CWF19L2: variants seen among roughly 807,000 people sequenced by gnomAD.
CWF19L2 encodes the protein CWF19 like cell cycle control factor 2.
A neutral mutation model predicts 111.7 loss-of-function variants in CWF19L2; 98 were observed. The observed-to-expected ratio is 0.88, with a 90% CI of 0.75 to 1.04. The LOEUF is 1.04. CWF19L2 is among the 50% of genes least tolerant of loss of function. The probability of loss-of-function intolerance (pLI) is 0.00; values close to 1 mark genes in which losing one functional copy is unlikely to be tolerated. For synonymous variants in CWF19L2, 351 were observed against 342.9 expected (o/e 1.02, Z -0.26); for missense variants, 1,101 against 1,051.4 (o/e 1.05, Z -0.65).
intron 12 of CWF19L2, among the ~76,000 whole-genome samples, chr11:107,385,028 T>G (rs1852618869): frequency 6.6e-6 from 1 of 152,204 alleles, no homozygotes; most frequent in Non-Finnish European, 1.5e-5. Flanking sequence ...GTTCATAAAC[T>G]TTTAAGAGTG....
chr11:107,372,716 T>C (rs1667737353), intron 12 of CWF19L2, among the ~76,000 whole-genome samples: 3 of 135,130 alleles, frequency 2.2e-5, no homozygotes. Context: ...AGAAAACTAG[T>C]TAGAAGGCTA....
At chr11:107,415,869 G>A (rs1409193533) in intron 10 of CWF19L2, among the ~76,000 whole-genome samples, 1 of 152,066 alleles carries the variant, frequency 6.6e-6, no homozygotes, top group East Asian at 1.9e-4. Flanking sequence ...AGGTTGAGGC[G>A]GGTGGATCAT....
chr11:107,404,732 A>C, intron 10 of CWF19L2: 2 of 280,608 alleles, frequency 7.1e-6, no homozygotes, highest in Non-Finnish European at 1.4e-5. Flanking sequence ...GACCTAGCAC[A>C]GTGTCAAATA....
chr11:107,331,037 A>AT (rs1221987347), intron 16 of CWF19L2, among the ~76,000 whole-genome samples: 2 of 152,202 alleles, frequency 1.3e-5, no homozygotes, highest in African/African-American at 4.8e-5. Flanking sequence ...TTTTCATGTT[A>AT]TTTAAAAAGC....
intron 12 of CWF19L2, among the ~76,000 whole-genome samples, chr11:107,361,524 A>G (rs1267504237): frequency 6.6e-6 from 1 of 152,158 alleles, no homozygotes; most frequent in East Asian, 1.9e-4. Flanking sequence ...TGCTGTTGGT[A>G]TGTTGATAGA....
At chr11:107,432,564 C>T (rs1202383916) in intron 7 of CWF19L2, among the ~76,000 whole-genome samples, 2 of 152,202 alleles carry the variant, frequency 1.3e-5, no homozygotes, top group Non-Finnish European at 2.9e-5. Flanking sequence ...GCCTGGGTGA[C>T]AGAGCAAGAC....
intron 14 of CWF19L2, among the ~76,000 whole-genome samples, chr11:107,339,589 A>C (rs1280968976): frequency 6.6e-6 from 1 of 151,608 alleles, no homozygotes; most frequent in Non-Finnish European, 1.5e-5. Flanking sequence ...GATATTAAAT[A>C]TCATTTTTAT....
At chr11:107,349,439 G>A (rs942265458) in intron 13 of CWF19L2, among the ~76,000 whole-genome samples, 1 of 152,094 alleles carries the variant, frequency 6.6e-6, no homozygotes, top group Non-Finnish European at 1.5e-5. Flanking sequence ...AAGACACATG[G>A]CCTGGTAACG....
chr11:107,385,941 T>A lies in CWF19L2; in HGVS notation c.1872+4133A>T, dbSNP rs531451586. Among the ~76,000 whole-genome samples, 5 of 152,356 alleles carry A rather than the reference T, an allele frequency of 3.3e-5. No homozygotes were observed. The East Asian group carries it at 9.6e-4, about 29-fold the overall frequency. ...TAGCCTGAAACTGCGAGAGTAGCAA[T>A]GCTGGCATATTGCTATACTTGTATT... On this transcript the variant is annotated intron_variant, in intron 12 of 17. Transcript: ENST00000282251.
intron 12 of CWF19L2, among the ~76,000 whole-genome samples, chr11:107,384,485 C>T (rs1004636022): frequency 1.3e-5 from 2 of 152,158 alleles, no homozygotes. Flanking sequence ...TGGTGCCCAA[C>T]AAATTTTGAA....
At chr11:107,371,295 G>T (rs1186749215) in intron 12 of CWF19L2, among the ~76,000 whole-genome samples, 1 of 137,210 alleles carries the variant, frequency 7.3e-6, no homozygotes, top group Admixed American at 7.1e-5. Flanking sequence ...GAGCCACCAC[G>T]CCCGGCCTCT....
intron 10 of CWF19L2, among the ~76,000 whole-genome samples, chr11:107,407,884 T>A (rs1861103288): frequency 6.6e-6 from 1 of 152,036 alleles, no homozygotes; most frequent in Non-Finnish European, 1.5e-5. Context: ...GAGAATTAAA[T>A]ACATCCTATA....
rs115372188 is a variant in CWF19L2, at chr11:107,398,719, A to T, written c.1618-5824T>A. The stretch of plus-strand genomic sequence containing the variant: ...ATTCATCACAAAAACATCTTTGCCT[A>T]GGCACACTGTCATCAGGTTATCCCA... On this transcript the variant is annotated intron_variant, in intron 10 of 17. Coordinates refer to ENST00000282251, the MANE Select transcript of CWF19L2 (RefSeq NM_152434.3). Among the ~76,000 whole-genome samples the T allele has an allele frequency of 5.2e-3, 785 of 152,350 alleles. 5 individuals carry two copies. Among genetic ancestry groups the T allele is most frequent in the African/African-American group, 0.018 (738 of 41,584 alleles).
At chr11:107,403,727 CT>C in intron 10 of CWF19L2, 2 of 856,046 alleles carry the variant, frequency 2.3e-6, no homozygotes, top group Non-Finnish European at 4.0e-6. Context: ...CTCCTTCTCC[CT>C]TTCCTCCTGC....
rs571580325 is a variant in CWF19L2, at chr11:107,405,691, T to C, written c.1617+10518A>G. 2.0e-5 allele frequency among the ~76,000 whole-genome samples: 3 copies of C among 152,158 alleles called. No individual in the cohort carries two copies. The South Asian group carries it at 6.2e-4, about 32-fold the overall frequency. On this transcript the variant is annotated intron_variant, in intron 10 of 17. Coordinates refer to ENST00000282251, the MANE Select transcript of CWF19L2 (RefSeq NM_152434.3). ...GAAGGGAAAGAAATGAGATGAGCCC[T>C]AGGATGGCCACAGCTTTCTACTAAG... is the stretch of plus-strand genomic sequence containing the variant.
chr11:107,335,265 A>G (rs1859905734), intron 15 of CWF19L2, among the ~76,000 whole-genome samples: 1 of 152,198 alleles, frequency 6.6e-6, no homozygotes, highest in South Asian at 2.1e-4. Context: ...TTGTGATCAT[A>G]AAGTTCCATT....
chr11:107,343,953 G>A (rs1423496814), intron 14 of CWF19L2, among the ~76,000 whole-genome samples: 1 of 151,970 alleles, frequency 6.6e-6, no homozygotes, highest in African/African-American at 2.4e-5. Flanking sequence ...GGTGGCTCAC[G>A]CTTGTAATTC....
At position 107,414,072 on chromosome 11, in the gene CWF19L2, C is replaced by A. The variant is rs2135396086; in HGVS notation, c.1617+2137G>T. 2.0e-5 allele frequency among the ~76,000 whole-genome samples: 3 copies of A among 152,292 alleles called. No homozygotes were observed. In the Middle Eastern group the frequency reaches 0.01, roughly 518 times the overall value. ...TGGACAAGTTACTTAGCCCTCTGTG[C>A]CTCAGTTTCTTGATCTATAAAACTG... On this transcript the variant is annotated intron_variant, in intron 10 of 17. Transcript: ENST00000282251.
At chr11:107,405,409 A>G (rs1217793741) in intron 10 of CWF19L2, among the ~76,000 whole-genome samples, 1 of 152,176 alleles carries the variant, frequency 6.6e-6, no homozygotes, top group Non-Finnish European at 1.5e-5. Context: ...CTACTACCTG[A>G]TAACAAGCAA....
Sources: allele counts gnomAD v4.1 joint callset (sites outside exome capture counted in the v4.1 genomes callset), GRCh38; gene constraint gnomAD v4.1.1; transcripts MANE v1.5; gene names NCBI Gene and HGNC (gene_info 2026-07-23, HGNC 2026-07-21).